Variants in NCALD observed in about 807,000 individuals in gnomAD.
NCALD encodes neurocalcin delta, also known as neurocalcin-delta.
In NCALD, 10 loss-of-function variants were observed where a neutral mutation model predicts 18.6. The observed-to-expected ratio is 0.54, with a 90% CI of 0.33 to 0.91. The LOEUF (loss-of-function observed/expected upper bound fraction) is 0.91, where lower values mean the gene tolerates loss of function less well. Ranked by LOEUF, NCALD falls within the 40% of genes least tolerant of loss-of-function variation. The pLI, the probability that NCALD is intolerant of heterozygous loss-of-function variation, is 0.03. For missense variants in NCALD, 184 were observed against 247.6 expected (o/e 0.74, Z 1.72); for synonymous variants, 88 against 87.4 (o/e 1.01, Z -0.04).
intron 1 of NCALD, among the ~76,000 whole-genome samples, chr8:102,121,211 TTGTTG>T (rs748392217): frequency 8.7e-4 from 132 of 152,314 alleles, no homozygotes; most frequent in Non-Finnish European, 1.5e-3. Flanking sequence ...TCTCCGTGTT[TTGTTG>T]TGTTGTGTTG....
intron 1 of NCALD, among the ~76,000 whole-genome samples, chr8:101,772,893 TAGAG>T (rs1199046818): frequency 1.3e-5 from 2 of 152,182 alleles, no homozygotes; most frequent in African/African-American, 2.4e-5. Context: ...CCCATTTTAA[TAGAG>T]AGAATTTAAT....
chr8:101,731,125 C>G (rs1312183241), intron 1 of NCALD, among the ~76,000 whole-genome samples: 1 of 152,008 alleles, frequency 6.6e-6, no homozygotes, highest in Admixed American at 6.6e-5. Flanking sequence ...AAGACTCTTT[C>G]AGGAGTGAAA....
At chr8:101,917,080 T>G (rs1817994958) in intron 2 of NCALD, among the ~76,000 whole-genome samples, 1 of 152,092 alleles carries the variant, frequency 6.6e-6, no homozygotes, top group Admixed American at 6.6e-5. Context: ...TACTCTAAGA[T>G]TAACCACATG....
At chr8:101,893,438 G>C (rs1455474835) in intron 3 of NCALD, among the ~76,000 whole-genome samples, 10 of 148,864 alleles carry the variant, frequency 6.7e-5, no homozygotes, top group African/African-American at 2.5e-4. Context: ...ATCGAGACTA[G>C]GAAGAAACTG....
At chr8:101,866,401 C>T (rs1220133488) in intron 4 of NCALD, among the ~76,000 whole-genome samples, 3 of 152,178 alleles carry the variant, frequency 2.0e-5, no homozygotes, top group Non-Finnish European at 4.4e-5. Flanking sequence ...ATAAAATCTA[C>T]ATGCTGACAA....
intron 2 of NCALD, among the ~76,000 whole-genome samples, chr8:101,967,040 CTA>C (rs377379829): frequency 1.3e-5 from 2 of 152,080 alleles, no homozygotes; most frequent in African/African-American, 4.8e-5. Context: ...CATAACATGT[CTA>C]TGATAAAAAG....
At chr8:101,888,435 G>T (rs1258311468) in intron 3 of NCALD, among the ~76,000 whole-genome samples, 1 of 151,638 alleles carries the variant, frequency 6.6e-6, no homozygotes. Flanking sequence ...GCAGAGTTCG[G>T]GAGACAGAGT....
intron 4 of NCALD, among the ~76,000 whole-genome samples, chr8:101,858,642 T>A (rs2131359203): frequency 6.6e-6 from 1 of 152,052 alleles, no homozygotes; most frequent in Admixed American, 6.6e-5. Context: ...CCTGGCAAAA[T>A]ACTGGAGGAT....
chr8:102,050,168 CAAAAAAAA>C (rs71268541), intron 1 of NCALD, among the ~76,000 whole-genome samples: 10 of 44,682 alleles, frequency 2.2e-4, no homozygotes, highest in Admixed American at 3.9e-4. Context: ...GACTCCGTCT[CAAAAAAAA>C]AAAAAAAAAA....
intron 2 of NCALD, among the ~76,000 whole-genome samples, chr8:101,940,811 T>C (rs192822187): frequency 6.6e-6 from 1 of 152,176 alleles, no homozygotes; most frequent in Non-Finnish European, 1.5e-5. Flanking sequence ...GTTTCTAAGC[T>C]AAAGGTGCAT....
At chr8:102,073,907 G>A (rs555055229) in intron 1 of NCALD, among the ~76,000 whole-genome samples, 3 of 152,318 alleles carry the variant, frequency 2.0e-5, no homozygotes, top group Admixed American at 1.3e-4. Flanking sequence ...GGTAGCCAGA[G>A]TTGCACTAGA....
In NCALD at chr8:101,843,584, T is replaced by TTTTTTTTTTG. The variant is rs1318737983; in HGVS notation, c.-20+43556_-20+43557insCAAAAAAAAA. On this transcript the variant is annotated intron_variant, in intron 4 of 6. Coordinates refer to the NCALD transcript ENST00000311028. ...TGTTCTATGAATCTTTAAAAATTGT[T>TTTTTTTTTTG]TTTTTTTTTTTTGAGACAGTCTTGC... Among the ~76,000 whole-genome samples the TTTTTTTTTTG allele has an allele frequency of 1.4e-5, 2 of 147,064 alleles. 1 individual carries two copies. The highest frequency in any genetic ancestry group is 5.1e-5 in the African/African-American group (2 of 38,990).
At chr8:101,773,346 G>C (rs988508159) in intron 1 of NCALD, among the ~76,000 whole-genome samples, 1 of 152,168 alleles carries the variant, frequency 6.6e-6, no homozygotes, top group African/African-American at 2.4e-5. Context: ...TCCTCTGCCA[G>C]AGCAATCTAG....
chr8:102,009,950 C>T (rs1233669032), intron 2 of NCALD, among the ~76,000 whole-genome samples: 1 of 152,208 alleles, frequency 6.6e-6, no homozygotes, highest in Non-Finnish European at 1.5e-5. Context: ...ACTGTAAGGC[C>T]CCACTGTGTC....
chr8:101,761,876 A>G (rs1811123092), intron 1 of NCALD, among the ~76,000 whole-genome samples: 1 of 152,150 alleles, frequency 6.6e-6, no homozygotes, highest in Non-Finnish European at 1.5e-5. Flanking sequence ...CCACTTACTC[A>G]CTTTTTCTCT....
intron 1 of NCALD, among the ~76,000 whole-genome samples, chr8:102,079,448 A>C (rs1824453451): frequency 6.6e-6 from 1 of 152,092 alleles, no homozygotes; most frequent in African/African-American, 2.4e-5. Flanking sequence ...CACCTGGCAA[A>C]GTCAGAATTT....
rs370878560 is a variant in NCALD at position 101,821,881 on chromosome 8, TAAAAAAAAA to T, written c.-20+65251_-20+65259del. The stretch of plus-strand genomic sequence containing the variant: ...ATCCAGGAACCTCTTGGGTTCTAAG[TAAAAAAAAA>T]AAAAAAAAAAAAAAAAATGTAATTT... On this transcript the variant is annotated intron_variant, in intron 4 of 6. Transcript: ENST00000311028. Among the ~76,000 whole-genome samples the T allele has an allele frequency of 1.0e-3, 121 of 116,494 alleles. No individual in the cohort carries two copies. In the South Asian group the frequency reaches 0.028, roughly 27 times the overall value. The allele number at this position is 116,494 out of a possible 152,430, so 76.4% of individuals were successfully genotyped here. A position where few individuals can be genotyped will look rare whatever the true frequency, so the allele number is the denominator to read the frequency against.
At chr8:101,863,664 C>A (rs536641318) in intron 4 of NCALD, among the ~76,000 whole-genome samples, 1 of 152,148 alleles carries the variant, frequency 6.6e-6, no homozygotes, top group Non-Finnish European at 1.5e-5. Context: ...ATATTAATAT[C>A]ATATCAGGTA....
chr8:101,826,936 G>A (rs1437031626), intron 4 of NCALD, among the ~76,000 whole-genome samples: 1 of 152,172 alleles, frequency 6.6e-6, no homozygotes, highest in African/African-American at 2.4e-5. Flanking sequence ...ACAAGAAATA[G>A]ATTAAAGCTA....
Sources: gnomAD v4.1 joint callset for allele counts (sites outside exome capture counted in the v4.1 genomes callset) on GRCh38, gnomAD v4.1.1 for gene constraint, MANE v1.5 for transcripts, NCBI Gene and HGNC (gene_info 2026-07-23, HGNC 2026-07-21) for gene names.